MAGEC3: variants seen among roughly 807,000 people sequenced by gnomAD.
MAGEC3 encodes the protein MAGE family member C3.
A neutral mutation model predicts 35.3 loss-of-function variants in MAGEC3; 34 were observed. That is an observed-to-expected ratio of 0.96 (90% CI 0.73 to 1.28). The LOEUF (loss-of-function observed/expected upper bound fraction) is 1.28, where lower values mean the gene tolerates loss of function less well. Among genes scored for constraint, MAGEC3 ranks in the 50% most tolerant of loss-of-function variants. The pLI, the probability that MAGEC3 is intolerant of heterozygous loss-of-function variation, is 0.00. For missense variants in MAGEC3, 561 were observed against 483.6 expected (o/e 1.16, Z -1.50); for synonymous variants, 202 against 185.6 (o/e 1.09, Z -0.72).
rs1416127339 is a variant in MAGEC3, at chrX:141,838,396, C to T, written c.81C>T (p.Ala27=). The T allele has an allele frequency of 4.1e-6, 5 of 1,209,409 alleles. No homozygotes were observed. In the African/African-American group the frequency reaches 8.7e-5, roughly 21 times the overall value. ...GCCAGTGGGTGAAAAACACATGTGCCACATATGCCTTATCCCCAGTGGTGC... is the reference window on the plus strand; with the variant it reads ...GCCAGTGGGTGAAAAACACATGTGCTACATATGCCTTATCCCCAGTGGTGC... ...SLGQWVKNTC[A]TYALSPVVLP... Residue 27 remains alanine, a synonymous_variant, in exon 1 of 8, where the codon GCC becomes GCT. Coordinates refer to ENST00000298296, the MANE Select transcript of MAGEC3 (RefSeq NM_138702.1).
At chrX:141,893,642 C>CTGTGTG (rs770042816) in intron 4 of MAGEC3, among the ~76,000 whole-genome samples, 460 of 85,112 alleles carry the variant, frequency 5.4e-3, no homozygotes, top group African/African-American at 0.018. Flanking sequence ...ATAGGAGACA[C>CTGTGTG]TGTGTGTGTG....
chrX:141,878,358 A>C (rs2017933646), intron 2 of MAGEC3, among the ~76,000 whole-genome samples: 1 of 112,136 alleles, frequency 8.9e-6, no homozygotes, highest in African/African-American at 3.2e-5. Flanking sequence ...GTAAAATTAC[A>C]TTATTTTTTG....
chrX:141,845,462 TATC>T (rs751363869), intron 1 of MAGEC3, among the ~76,000 whole-genome samples: 31 of 111,139 alleles, frequency 2.8e-4, no homozygotes, highest in Admixed American at 2.0e-3. Flanking sequence ...AAGTCGTAAA[TATC>T]ATCATTTCAG....
chrX:141,848,042 G>A (rs2017727459), intron 1 of MAGEC3, among the ~76,000 whole-genome samples: 1 of 110,259 alleles, frequency 9.1e-6, no homozygotes, highest in Non-Finnish European at 1.9e-5. Flanking sequence ...AACAGGGTAT[G>A]CATGTGTGTA....
At chrX:141,854,098 C>T (rs772901659) in intron 1 of MAGEC3, among the ~76,000 whole-genome samples, 2 of 110,645 alleles carry the variant, frequency 1.8e-5, no homozygotes, top group East Asian at 2.9e-4. Context: ...CTAAGCCCTG[C>T]GATAGATTAT....
chrX:141,842,667 C>T (rs1325141830), intron 1 of MAGEC3, among the ~76,000 whole-genome samples: 4 of 110,879 alleles, frequency 3.6e-5, no homozygotes, highest in African/African-American at 9.8e-5. Context: ...CTCAAGGTAT[C>T]GCACCCTGGA....
At position 141,881,745 on chromosome X, in the gene MAGEC3, G is replaced by C; in HGVS notation, c.858G>C (p.Lys286Asn). The C allele has an allele frequency of 8.3e-7, 1 of 1,211,539 alleles. No homozygotes were observed. The highest frequency in any genetic ancestry group is 1.1e-6 in the Non-Finnish European group (1 of 895,452). Residue 286 changes from lysine (K) to asparagine (N), a missense_variant, in exon 4 of 8, where the codon AAG becomes AAC. By Grantham distance (94) the Lys-to-Asn change is moderately conservative. Coordinates refer to ENST00000298296, the MANE Select transcript of MAGEC3 (RefSeq NM_138702.1). ...TTATTCTGAGTGTGATCTTCATAAAGGGCAACTGTGCATCTGAGGAGGTCA... is the reference window on the plus strand; with the variant it reads ...TTATTCTGAGTGTGATCTTCATAAACGGCAACTGTGCATCTGAGGAGGTCA... ...LILILSVIFIKGNCASEEVIW... is the reference protein window; with the variant it reads ...LILILSVIFINGNCASEEVIW...
intron 1 of MAGEC3, among the ~76,000 whole-genome samples, chrX:141,864,349 A>T (rs1164145073): frequency 2.7e-5 from 3 of 109,209 alleles, no homozygotes; most frequent in Non-Finnish European, 5.7e-5. Context: ...AAATGAAAAA[A>T]GATAATAAAA....
intron 4 of MAGEC3, among the ~76,000 whole-genome samples, chrX:141,882,182 G>C (rs770734214): frequency 9.0e-6 from 1 of 111,551 alleles, no homozygotes; most frequent in Non-Finnish European, 1.9e-5. Context: ...TGTTTGAAGA[G>C]GGCAGTCAGG....
intron 1 of MAGEC3, among the ~76,000 whole-genome samples, chrX:141,840,137 A>G (rs2017677460): frequency 8.9e-6 from 1 of 111,942 alleles, no homozygotes; most frequent in Non-Finnish European, 1.9e-5. Flanking sequence ...GGAGGTTGAT[A>G]GATGGAGGTG....
intron 1 of MAGEC3, among the ~76,000 whole-genome samples, chrX:141,858,566 C>G (rs1456595583): frequency 9.0e-6 from 1 of 110,797 alleles, no homozygotes; most frequent in Admixed American, 9.6e-5. Flanking sequence ...ATTATCTGTG[C>G]TCATATTCAC....
chrX:141,893,486 C>G (rs1260216400), intron 4 of MAGEC3, among the ~76,000 whole-genome samples: 1 of 110,844 alleles, frequency 9.0e-6, no homozygotes, highest in Non-Finnish European at 1.9e-5. Flanking sequence ...ATGATGAATA[C>G]TCACCATTAC....
intron 4 of MAGEC3, among the ~76,000 whole-genome samples, chrX:141,888,064 T>A (rs1435426172): frequency 8.9e-6 from 1 of 112,099 alleles, no homozygotes; most frequent in Non-Finnish European, 1.9e-5. Flanking sequence ...TATATGTGAT[T>A]GGGCTTGAGC....
chrX:141,874,670 A>G (rs2017908981), intron 2 of MAGEC3, among the ~76,000 whole-genome samples: 1 of 111,620 alleles, frequency 9.0e-6, no homozygotes, highest in Admixed American at 9.5e-5. Flanking sequence ...TAGAGTGGCT[A>G]AAATCAAAAT....
chrX:141,844,793 T>C (rs190588854), intron 1 of MAGEC3, among the ~76,000 whole-genome samples: 2 of 111,392 alleles, frequency 1.8e-5, no homozygotes, highest in East Asian at 5.6e-4. Context: ...TATTTAGAAG[T>C]AATAAAAACC....
intron 4 of MAGEC3, among the ~76,000 whole-genome samples, chrX:141,889,267 A>G (rs913127621): frequency 9.0e-6 from 1 of 111,700 alleles, no homozygotes; most frequent in Non-Finnish European, 1.9e-5. Context: ...TCAGTGTTCA[A>G]TATATGGTAT....
intron 1 of MAGEC3, among the ~76,000 whole-genome samples, chrX:141,853,020 G>A (rs1405644586): frequency 9.0e-6 from 1 of 111,383 alleles, no homozygotes; most frequent in Non-Finnish European, 1.9e-5. Flanking sequence ...AAATTCACCA[G>A]TGAAGTCACT....
chrX:141,868,665 A>T lies in MAGEC3; in HGVS notation c.258+3060A>T, dbSNP rs940856780. Among the ~76,000 whole-genome samples the T allele has an allele frequency of 3.6e-5, 4 of 109,945 alleles. No individual in the cohort carries two copies. The Admixed American group carries it at 3.9e-4, about 11-fold the overall frequency. The stretch of plus-strand genomic sequence containing the variant: ...CATGGATTTGTACCATTAAATACCT[A>T]TGAGTTGGGCAAATTTTTTTTCTTG... On this transcript the variant is annotated intron_variant, in intron 2 of 7. Transcript: ENST00000298296.
At chrX:141,874,606 A>G (rs1479332617) in intron 2 of MAGEC3, among the ~76,000 whole-genome samples, 1 of 111,687 alleles carries the variant, frequency 9.0e-6, no homozygotes, top group Non-Finnish European at 1.9e-5. Flanking sequence ...GATGATTAGC[A>G]TCTTATGTCA....
Sources: gnomAD v4.1 joint callset for allele counts (sites outside exome capture counted in the v4.1 genomes callset) on GRCh38, gnomAD v4.1.1 for gene constraint, MANE v1.5 for transcripts, NCBI Gene and HGNC (gene_info 2026-07-23, HGNC 2026-07-21) for gene names.